The following PILRA variants were observed in gnomAD, a reference collection of about 807,000 sequenced individuals.
PILRA encodes the protein paired immunoglobin like type 2 receptor alpha.
In PILRA, 37 loss-of-function variants were observed where a neutral mutation model predicts 33.1. That is an observed-to-expected ratio of 1.12 (90% CI 0.86 to 1.47). The LOEUF (loss-of-function observed/expected upper bound fraction) is 1.47, where lower values mean the gene tolerates loss of function less well. PILRA is among the 40% of genes most tolerant of loss of function. PILRA has a pLI of 0.00. For missense variants in PILRA, 312 were observed against 376.2 expected (o/e 0.83, Z 1.41); for synonymous variants, 146 against 149.9 (o/e 0.97, Z 0.19).
intron 2 of PILRA, among the ~76,000 whole-genome samples, chr7:100,379,659 C>T (rs371174337): frequency 7.8e-5 from 10 of 128,714 alleles, no homozygotes; most frequent in Admixed American, 5.1e-4. Flanking sequence ...CAGACGGAGA[C>T]TCTGTCTCCA....
At chr7:100,373,318 A>T, upstream of PILRA, 1 of 511,724 alleles carries the variant, frequency 2.0e-6, no homozygotes, top group Non-Finnish European at 3.5e-6. Flanking sequence ...TCCAGGTGGG[A>T]GGGGCCCAGC....
intron 2 of PILRA, among the ~76,000 whole-genome samples, chr7:100,383,193 C>T (rs1017681039): frequency 2.6e-5 from 4 of 151,956 alleles, no homozygotes; most frequent in South Asian, 2.1e-4. Flanking sequence ...CAGTCAGGGA[C>T]GGGGAGGTAC....
chr7:100,378,801 A>T (rs1791010897), intron 2 of PILRA, among the ~76,000 whole-genome samples: 1 of 152,196 alleles, frequency 6.6e-6, no homozygotes, highest in South Asian at 2.1e-4. Context: ...TGTAAAAGTA[A>T]TGCATAGGCA....
At chr7:100,389,823 A>C in intron 2 of PILRA, 65 bp from the exon 3 acceptor site, 1 of 1,367,992 alleles carries the variant, frequency 7.3e-7, no homozygotes, top group South Asian at 1.2e-5. Flanking sequence ...GCAGCACACC[A>C]CGCCTTTCAC....
chr7:100,399,031 T>C (rs763543645), intron 4 of PILRA, among the ~76,000 whole-genome samples: 1 of 152,002 alleles, frequency 6.6e-6, no homozygotes, highest in Non-Finnish European at 1.5e-5. Context: ...CTTGAACTCC[T>C]GGGCTCAAGT....
chr7:100,378,756 G>T (rs1292022610), intron 2 of PILRA, among the ~76,000 whole-genome samples: 1 of 151,980 alleles, frequency 6.6e-6, no homozygotes, highest in African/African-American at 2.4e-5. Flanking sequence ...TTATTAATAT[G>T]CAAGATTACT....
chr7:100,373,252 C>T (rs1329859089), upstream of PILRA, among the ~76,000 whole-genome samples: 1 of 152,166 alleles, frequency 6.6e-6, no homozygotes, highest in Non-Finnish European at 1.5e-5. Context: ...CCTGCGCTGG[C>T]CCTGGGCAGA....
chr7:100,384,955 G>C (rs1204503436), intron 2 of PILRA, among the ~76,000 whole-genome samples: 1 of 152,136 alleles, frequency 6.6e-6, no homozygotes, highest in African/African-American at 2.4e-5. Context: ...GGAGAACCAA[G>C]GGAGATGGTG....
intron 2 of PILRA, among the ~76,000 whole-genome samples, chr7:100,385,166 A>C (rs1326258017): frequency 6.6e-6 from 1 of 152,248 alleles, no homozygotes; most frequent in Non-Finnish European, 1.5e-5. Flanking sequence ...TAGAAGGTTA[A>C]CACAAAAATA....
intron 2 of PILRA, among the ~76,000 whole-genome samples, chr7:100,382,905 G>A (rs537826932): frequency 6.6e-6 from 1 of 152,250 alleles, no homozygotes; most frequent in East Asian, 1.9e-4. Context: ...CGGACACGCC[G>A]CCTTTAAGAA....
upstream of PILRA, chr7:100,373,429 A>G: frequency 1.7e-6 from 1 of 603,414 alleles, no homozygotes; most frequent in Non-Finnish European, 3.0e-6. Flanking sequence ...ACTGACCACA[A>G]GGGAGGCCCT....
At chr7:100,399,682 G>A (rs1791610813) in intron 6 of PILRA, 70 bp downstream of exon 6, 1 of 1,611,436 alleles carries the variant, frequency 6.2e-7, no homozygotes, top group Non-Finnish European at 8.5e-7. Flanking sequence ...AAGGGAGAAG[G>A]GGAGTGTGGT....
chr7:100,383,200 G>T (rs1206703448), intron 2 of PILRA, among the ~76,000 whole-genome samples: 1 of 152,116 alleles, frequency 6.6e-6, no homozygotes, highest in African/African-American at 2.4e-5. Flanking sequence ...GGACGGGGAG[G>T]TACCCTGGGA....
chr7:100,387,386 G>A (rs1247352751), intron 2 of PILRA, among the ~76,000 whole-genome samples: 1 of 152,110 alleles, frequency 6.6e-6, no homozygotes, highest in Non-Finnish European at 1.5e-5. Flanking sequence ...GCTAATTTTT[G>A]TATTTTTAGT....
chr7:100,393,151 G>T (rs556456413), intron 3 of PILRA, among the ~76,000 whole-genome samples: 10 of 151,994 alleles, frequency 6.6e-5, no homozygotes, highest in African/African-American at 2.4e-4. Context: ...ATGGTGATGC[G>T]CCCCTGTAAT....
At chr7:100,386,844 C>T (rs551002974) in intron 2 of PILRA, among the ~76,000 whole-genome samples, 12 of 149,512 alleles carry the variant, frequency 8.0e-5, no homozygotes, top group Non-Finnish European at 1.2e-4. Flanking sequence ...AAAAAAAAAA[C>T]GACCAAAAAA....
In PILRA at chr7:100,373,564, C is replaced by A; in HGVS notation, c.-93C>A. ...CGGAGCCTGAGCCCGGCTCTCCTCACTCACCTCAACCCCCAGGCGGCCCCT... is the reference window on the plus strand; with the variant it reads ...CGGAGCCTGAGCCCGGCTCTCCTCAATCACCTCAACCCCCAGGCGGCCCCT... On this transcript the variant is annotated 5_prime_UTR_variant, in exon 1 of 7. Coordinates refer to ENST00000198536, the MANE Select transcript of PILRA (RefSeq NM_013439.3). The A allele has an allele frequency of 6.9e-7, 1 of 1,448,850 alleles. No individual in the cohort carries two copies. The highest frequency in any genetic ancestry group is 9.6e-7 in the Non-Finnish European group (1 of 1,037,064). The allele number at this position is 1,448,850 out of a possible 1,614,324, so 89.7% of individuals were successfully genotyped here.
intron 4 of PILRA, among the ~76,000 whole-genome samples, chr7:100,398,171 T>A (rs183750369): frequency 1.3e-5 from 2 of 152,300 alleles, no homozygotes; most frequent in East Asian, 1.9e-4. Context: ...TTTTCTGGAG[T>A]GCCCATCTGT....
At chr7:100,377,606 C>G (rs186570517) in intron 2 of PILRA, among the ~76,000 whole-genome samples, 3 of 152,246 alleles carry the variant, frequency 2.0e-5, no homozygotes, top group Non-Finnish European at 4.4e-5. Context: ...ATTGGCCAGA[C>G]ACAGTGGCTC....
Sources: gnomAD v4.1 joint callset for allele counts (sites outside exome capture counted in the v4.1 genomes callset) on GRCh38, gnomAD v4.1.1 for gene constraint, MANE v1.5 for transcripts, NCBI Gene and HGNC (gene_info 2026-07-23, HGNC 2026-07-21) for gene names.